The following PNPLA6 variants were observed in gnomAD, a reference collection of about 807,000 sequenced individuals.
The protein encoded by PNPLA6 is patatin-like phospholipase domain-containing protein 6.
Under a neutral mutation model 153.7 loss-of-function variants are expected in PNPLA6, and 105 were observed. The ratio of observed to expected loss-of-function variants is 0.68; its 90% CI spans 0.58 to 0.80. The LOEUF is 0.80. Among genes scored for constraint, PNPLA6 ranks in the 30% least tolerant of loss-of-function variants. The pLI is 0.00. For synonymous variants in PNPLA6, 825 were observed against 822.2 expected (o/e 1.00, Z -0.06); for missense variants, 1,423 against 1,919.3 (o/e 0.74, Z 4.83).
rs522776 is a variant in PNPLA6, at chr19:7,554,636, G to A, written c.2547G>A (p.Ser849=). ...HRIVLYQTDA[S]LTPWTVRCLR... is the part of the protein sequence containing the mutation. ...TCGTACTCTACCAGACGGACGCCTC[G>A]CTGACGCCCTGGACCGTGCGCTGCC... Residue 849 remains serine, a synonymous_variant, in exon 21 of 32, where the codon TCG becomes TCA. Coordinates refer to ENST00000600737, the MANE Select transcript of PNPLA6 (RefSeq NM_001166114.2). 0.028 allele frequency: 45,521 copies of A among 1,614,008 alleles called. 776 individuals are homozygous for A. The highest frequency in any genetic ancestry group is 0.088 in the Middle Eastern group (536 of 6,062).
chr19:7,549,766 C>A, intron 13 of PNPLA6, 141 bp from the exon 14 acceptor site: 2 of 808,332 alleles, frequency 2.5e-6, no homozygotes, highest in Non-Finnish European at 4.1e-6. Flanking sequence ...GGATTACAGC[C>A]GTGAGCCACC....
intron 27 of PNPLA6, among the ~76,000 whole-genome samples, chr19:7,558,245 G>A (rs508786): frequency 0.58 from 88,262 of 152,088 alleles, 25,974 homozygotes; most frequent in Admixed American, 0.64. Context: ...AGACATGTAC[G>A]CCAACTGCAC....
intron 13 of PNPLA6, among the ~76,000 whole-genome samples, chr19:7,545,891 C>G (rs584849): frequency 0.39 from 50,589 of 131,356 alleles, 10,865 homozygotes; most frequent in South Asian, 0.49. Context: ...GCCTGTGCAA[C>G]AGAGTGAGAC....
At position 7,545,305 on chromosome 19, in the gene PNPLA6, G is replaced by T. The variant is rs570118068; in HGVS notation, c.1608+2221G>T. Reference sequence around the variant, plus strand: ...GCCTCCCAAAGTGCTGGGATTACAGGCGTGATCCTCGGCACCTGGCCACAG... The same window carrying T: ...GCCTCCCAAAGTGCTGGGATTACAGTCGTGATCCTCGGCACCTGGCCACAG... On this transcript the variant is annotated intron_variant, in intron 13 of 31. Transcript: ENST00000600737. 1.1e-4 allele frequency among the ~76,000 whole-genome samples: 16 copies of T among 152,174 alleles called. No homozygotes were observed. The East Asian group carries it at 2.3e-3, about 22-fold the overall frequency.
chr19:7,555,538 A>G lies in PNPLA6; in HGVS notation c.2937-69A>G. On this transcript the variant is annotated intron_variant, in intron 23 of 31. Transcript: ENST00000600737. This position sits in a 1 kb window ranked among gnomAD's most constrained non-coding sequence, Gnocchi z 6.3. Reference sequence around the variant, plus strand: ...GTTCCTTAGCAGTGCGGGAGGTGGGAGGAGGTAGGGGCAGGGGAGTTCCTG... The same window carrying G: ...GTTCCTTAGCAGTGCGGGAGGTGGGGGGAGGTAGGGGCAGGGGAGTTCCTG... 6.5e-7 allele frequency: 1 copy of G among 1,539,998 alleles called. No homozygotes were observed.
chr19:7,546,967 C>T (rs538718566), intron 13 of PNPLA6, among the ~76,000 whole-genome samples: 464 of 151,598 alleles, frequency 3.1e-3, no homozygotes, highest in African/African-American at 0.011. Context: ...TGCAGTGGCG[C>T]GATCTCAGCT....
rs2146053653 is a variant in PNPLA6 at position 7,540,924 on chromosome 19, G to A, written c.797G>A (p.Gly266Asp). 6.2e-7 allele frequency: 1 copy of A among 1,612,984 alleles called. No homozygotes were observed. Among genetic ancestry groups the A allele is most frequent in the East Asian group, 2.2e-5 (1 of 44,862 alleles). Residue 266 changes from glycine (G) to aspartate (D), a missense_variant and splice_region_variant, in exon 7 of 32, where the codon GGT becomes GAT. By Grantham distance (94) the Gly-to-Asp change is moderately conservative. This residue lies in a region of PNPLA6 where 118 missense variants were observed against 158.8 expected (regional missense o/e 0.74). Transcript: ENST00000600737. The surrounding 1 kb of genome is among the most constrained non-coding windows in gnomAD (Gnocchi z 6.8). Reference protein sequence around the residue: ...SLLSILDVITGHQHPQRTVSA... With the variant: ...SLLSILDVITDHQHPQRTVSA... ...TCTTCACGCCCTCCCCTCCCCCAGG[G>A]TCACCAGCATCCCCAGCGGACCGTG...
rs1286677539 is a variant in PNPLA6, at chr19:7,540,874, G to A, written c.796-49G>A. ...GAAGGATTAGGGGAGTAGCGAGGGG[G>A]ACTCGCAGCCTCTGCCCTTGTCTCT... is the stretch of plus-strand genomic sequence containing the variant. On this transcript the variant is annotated intron_variant, in intron 6 of 31. Coordinates refer to ENST00000600737, the MANE Select transcript of PNPLA6 (RefSeq NM_001166114.2). The surrounding 1 kb of genome is among the most constrained non-coding windows in gnomAD (Gnocchi z 6.8). 3 of 1,611,474 alleles carry A rather than the reference G, an allele frequency of 1.9e-6. No individual in the cohort carries two copies. The highest frequency in any genetic ancestry group is 4.5e-5 in the East Asian group (2 of 44,862).
intron 25 of PNPLA6, 30 bp from the exon 26 acceptor site, chr19:7,556,625 C>T: frequency 6.2e-7 from 1 of 1,602,072 alleles, no homozygotes; most frequent in Non-Finnish European, 8.6e-7. Flanking sequence ...GCCCCCTGCT[C>T]CTCCCCCACC....
In PNPLA6 at chr19:7,542,792, C is replaced by T; in HGVS notation, c.1394C>T (p.Ala465Val). ...ACTCAGGAGCCTCGTGAGCAGCCGG[C>T]AGGCGCCTGTGAATACAGCTACTGT... ...TPTQEPREQP[A>V]GACEYSYCED... The change falls in exon 12 of 32, where the codon GCA (alanine) becomes GTA (valine). Residue 465 changes from alanine to valine, a missense_variant. Physicochemically the swap from Ala to Val is moderately conservative, Grantham distance 64. Coordinates refer to ENST00000600737, the MANE Select transcript of PNPLA6 (RefSeq NM_001166114.2). 2 of 1,613,086 alleles carry T rather than the reference C, an allele frequency of 1.2e-6. No individual in the cohort carries two copies. The highest frequency in any genetic ancestry group is 1.7e-6 in the Non-Finnish European group (2 of 1,179,962).
intron 18 of PNPLA6, among the ~76,000 whole-genome samples, chr19:7,553,408 T>A (rs2023740379): frequency 6.6e-6 from 1 of 152,190 alleles, no homozygotes; most frequent in Non-Finnish European, 1.5e-5. Context: ...TATGCCACCA[T>A]GCCTGGCTAA....
chr19:7,539,888 T>C (rs1236479098), intron 3 of PNPLA6, 30 bp from the exon 4 acceptor site: 132 of 640,886 alleles, frequency 2.1e-4, no homozygotes, highest in Non-Finnish European at 3.0e-4. Flanking sequence ...CGTGCCCCCC[T>C]CACCCCCGGC....
intron 13 of PNPLA6, among the ~76,000 whole-genome samples, chr19:7,546,025 TCATAAGTG>T (rs1229214494): frequency 6.6e-6 from 1 of 151,126 alleles, no homozygotes; most frequent in Non-Finnish European, 1.5e-5. Flanking sequence ...TCTTGTAAAA[TCATAAGTG>T]CTTAGTGTCA....
At chr19:7,536,295 TCCG>T in intron 2 of PNPLA6, 22 bp downstream of exon 2, 1 of 1,589,336 alleles carries the variant, frequency 6.3e-7, no homozygotes, top group Non-Finnish European at 8.6e-7. Context: ...ACCCCTGGGG[TCCG>T]CCCTGACCAC....
In PNPLA6 at chr19:7,554,571, CT is replaced by C. The variant is rs756542477; in HGVS notation, c.2483del (p.Leu828ArgfsTer23). On this transcript the variant is annotated frameshift_variant, in exon 21 of 32. Transcript: ENST00000600737. LOFTEE classifies it high-confidence loss of function. ...SALDSIQEFR[L>X]SGWLAQQEDA... ...CCACCCTAGCATCCAAGAGTTCCGG[CT>C]GTCAGGGTGGCTGGCCCAGCAGGAG... is the stretch of plus-strand genomic sequence containing the variant. 4 of 1,614,020 alleles carry C rather than the reference CT, an allele frequency of 2.5e-6. No homozygotes were observed. Among genetic ancestry groups the C allele is most frequent in the African/African-American group, 1.3e-5 (1 of 74,914 alleles).
Position 7,561,229 on chromosome 19 carries a change from C to T in PNPLA6, c.3935C>T (p.Thr1312Ile). The change falls in exon 31 of 32, where the codon ACA becomes ATA. Residue 1312 changes from threonine to isoleucine, a missense_variant. By Grantham distance (89) the Thr-to-Ile change is moderately conservative (BLOSUM62 -1). This residue lies in a region of PNPLA6 where 643 missense variants were observed against 835.2 expected (regional missense o/e 0.77). Transcript: ENST00000600737. ...CADGEESDCL[T>I]EYEEDAGPDC... ...CCAGGAGAGGAGTCAGATTGTCTGA[C>T]AGAGTATGAGGAGGACGCCGGACCC... 6.2e-7 allele frequency: 1 copy of T among 1,610,310 alleles called. No individual in the cohort carries two copies. Among genetic ancestry groups the T allele is most frequent in the Non-Finnish European group, 8.5e-7 (1 of 1,178,810 alleles).
rs750578066 is a variant in PNPLA6, at chr19:7,554,551, C to G, written c.2466-4C>G. ...AGGATGACGCTGCCCCCTTCCCACC[C>G]TAGCATCCAAGAGTTCCGGCTGTCA... is the stretch of plus-strand genomic sequence containing the variant. On this transcript the variant is annotated splice_region_variant and splice_polypyrimidine_tract_variant and intron_variant, in intron 20 of 31. Coordinates refer to ENST00000600737, the MANE Select transcript of PNPLA6 (RefSeq NM_001166114.2). 7 of 1,614,112 alleles carry G rather than the reference C, an allele frequency of 4.3e-6. No individual in the cohort carries two copies. The highest frequency in any genetic ancestry group is 4.5e-5 in the East Asian group (2 of 44,876).
chr19:7,544,497 A>G (rs1480579524), intron 13 of PNPLA6, among the ~76,000 whole-genome samples: 1 of 152,214 alleles, frequency 6.6e-6, no homozygotes, highest in Non-Finnish European at 1.5e-5. Context: ...TCAAATGTAC[A>G]GAGCAGCAGG....
chr19:7,551,027 A>G lies in PNPLA6; in HGVS notation c.2104A>G (p.Thr702Ala). ...EALTRQPRATTVHAVRDTELA... is the reference protein window; with the variant it reads ...EALTRQPRATAVHAVRDTELA... ...ACTGACCCGGCAGCCGCGAGCCACG[A>G]CGGTGCACGCGGTGCGCGACACGGA... Residue 702 changes from threonine (T) to alanine (A), a missense_variant, in exon 17 of 32, where the codon ACG becomes GCG. This residue lies in a region of PNPLA6 where 63 missense variants were observed against 166.2 expected (regional missense o/e 0.38). Transcript: ENST00000600737. 1.3e-6 allele frequency: 2 copies of G among 1,548,634 alleles called. No individual in the cohort carries two copies. The highest frequency in any genetic ancestry group is 1.4e-5 in the African/African-American group (1 of 73,084).
Sources: gnomAD v4.1 joint callset for allele counts (sites outside exome capture counted in the v4.1 genomes callset) on GRCh38, gnomAD v4.1.1 for gene constraint, gnomAD v4.1.1 regional missense constraint, Gnocchi (gnomAD v3.1) non-coding constraint, MANE v1.5 for transcripts, NCBI Gene and HGNC (gene_info 2026-07-23, HGNC 2026-07-21) for gene names.